ZFHX3: variants seen among roughly 807,000 people sequenced by gnomAD.
The protein encoded by ZFHX3 is zinc finger homeobox protein 3.
In ZFHX3, 42 loss-of-function variants were observed where a neutral mutation model predicts 279.1. The ratio of observed to expected loss-of-function variants is 0.15; its 90% CI spans 0.12 to 0.19. ZFHX3 has a LOEUF of 0.19. Among genes scored for constraint, ZFHX3 ranks in the 10% least tolerant of loss-of-function variants. The pLI is 1.00. For missense variants in ZFHX3, 4,981 were observed against 4,754.0 expected (o/e 1.05, Z -1.40); for synonymous variants, 2,293 against 1,957.8 (o/e 1.17, Z -4.52).
At chr16:73,527,295 G>C (rs1346397999) in intron 2 of ZFHX3, among the ~76,000 whole-genome samples, 1 of 152,200 alleles carries the variant, frequency 6.6e-6, no homozygotes, top group Non-Finnish European at 1.5e-5. Flanking sequence ...TTCCCAGCAA[G>C]AGGCCCCATT....
chr16:72,971,462 A>G (rs1048136172), intron 1 of ZFHX3, among the ~76,000 whole-genome samples: 2 of 152,210 alleles, frequency 1.3e-5, no homozygotes, highest in Non-Finnish European at 2.9e-5. Context: ...ACTGAGGCTT[A>G]GAGAGTTAAG....
At chr16:73,812,104 G>A (rs1960445397) in intron 1 of ZFHX3, among the ~76,000 whole-genome samples, 1 of 152,114 alleles carries the variant, frequency 6.6e-6, no homozygotes. Flanking sequence ...TGAGGCTTAT[G>A]GTGGTCTTTA....
intron 2 of ZFHX3, among the ~76,000 whole-genome samples, chr16:73,676,040 G>C (rs8051350): frequency 0.92 from 139,166 of 152,094 alleles, 63,745 homozygotes; most frequent in East Asian, 0.98. Context: ...TTATCTAAAG[G>C]CATACTCAAA....
chr16:73,549,213 A>T (rs1237875544), intron 2 of ZFHX3, among the ~76,000 whole-genome samples: 1 of 152,162 alleles, frequency 6.6e-6, no homozygotes, highest in Non-Finnish European at 1.5e-5. Context: ...AAATGATTTT[A>T]AAATTATTTT....
chr16:73,271,555 G>A (rs1451328097), intron 4 of ZFHX3, among the ~76,000 whole-genome samples: 1 of 152,198 alleles, frequency 6.6e-6, no homozygotes, highest in African/African-American at 2.4e-5. Context: ...GACCAGCTTT[G>A]TGCCCCTGGA....
chr16:72,953,199 A>G (rs1961079562), intron 2 of ZFHX3, among the ~76,000 whole-genome samples: 1 of 152,120 alleles, frequency 6.6e-6, no homozygotes, highest in Non-Finnish European at 1.5e-5. Flanking sequence ...AGGCTTAGGA[A>G]GCTTTCGGCT....
chr16:73,117,235 C>T (rs886278051), intron 7 of ZFHX3, among the ~76,000 whole-genome samples: 12 of 152,072 alleles, frequency 7.9e-5, no homozygotes, highest in Non-Finnish European at 1.5e-4. Context: ...TTCCTTCCTT[C>T]CTCTTTCAAC....
intron 2 of ZFHX3, among the ~76,000 whole-genome samples, chr16:73,483,106 C>T (rs191179365): frequency 4.6e-5 from 7 of 152,280 alleles, no homozygotes; most frequent in Admixed American, 2.0e-4. Flanking sequence ...GTGAAACATC[C>T]CCTCCTCTGA....
At chr16:73,708,773 T>G (rs2053329062) in intron 1 of ZFHX3, among the ~76,000 whole-genome samples, 1 of 152,130 alleles carries the variant, frequency 6.6e-6, no homozygotes, top group South Asian at 2.1e-4. Flanking sequence ...ATCTAGAAGC[T>G]TATTTATCCT....
At chr16:73,241,645 C>A (rs1158382236) in intron 5 of ZFHX3, among the ~76,000 whole-genome samples, 2 of 152,046 alleles carry the variant, frequency 1.3e-5, no homozygotes, top group Admixed American at 6.5e-5. Context: ...ACAAAATAAG[C>A]TGGACATGGT....
At chr16:73,087,050 A>C (rs1295803502) in intron 8 of ZFHX3, among the ~76,000 whole-genome samples, 2 of 152,228 alleles carry the variant, frequency 1.3e-5, no homozygotes, top group Non-Finnish European at 2.9e-5. Flanking sequence ...CCCATTGTTC[A>C]CATGTATCAA....
chr16:73,597,173 T>C (rs2052059512), intron 2 of ZFHX3, among the ~76,000 whole-genome samples: 2 of 152,188 alleles, frequency 1.3e-5, no homozygotes, highest in Non-Finnish European at 2.9e-5. Flanking sequence ...GTTATCTCTG[T>C]GCATCTCAGT....
chr16:73,567,368 G>C (rs148968878), intron 2 of ZFHX3, among the ~76,000 whole-genome samples: 347 of 152,278 alleles, frequency 2.3e-3, no homozygotes, highest in Non-Finnish European at 3.0e-3. Flanking sequence ...TTCTTCCTTT[G>C]AACTAATCCT....
chr16:73,206,639 AC>A (rs1438894828), intron 5 of ZFHX3, among the ~76,000 whole-genome samples: 4 of 152,176 alleles, frequency 2.6e-5, no homozygotes, highest in Non-Finnish European at 5.9e-5. Flanking sequence ...AAATACATTT[AC>A]AAAAATTCTC....
At chr16:73,370,702 T>C (rs1481875559) in intron 3 of ZFHX3, among the ~76,000 whole-genome samples, 2 of 152,202 alleles carry the variant, frequency 1.3e-5, no homozygotes, top group South Asian at 4.1e-4. Context: ...CACGGTGCCA[T>C]GCACAGCTCA....
intron 3 of ZFHX3, among the ~76,000 whole-genome samples, chr16:73,448,684 A>AAG (rs1567487516): frequency 9.4e-4 from 63 of 66,894 alleles, no homozygotes; most frequent in South Asian, 2.5e-3. Flanking sequence ...ATATTTATAT[A>AAG]CGTGTGTGTG....
chr16:73,536,346 G>A, intron 2 of ZFHX3, among the ~76,000 whole-genome samples: 1 of 152,006 alleles, frequency 6.6e-6, no homozygotes, highest in South Asian at 2.1e-4. Context: ...AATAAAACAG[G>A]TTCTTGGTAG....
intron 2 of ZFHX3, among the ~76,000 whole-genome samples, chr16:73,463,817 G>C (rs1442485610): frequency 6.6e-6 from 1 of 152,188 alleles, no homozygotes; most frequent in Non-Finnish European, 1.5e-5. Context: ...GTTCGTTACA[G>C]CAAGAGCAAG....
intron 2 of ZFHX3, among the ~76,000 whole-genome samples, chr16:73,603,880 G>C (rs1434591491): frequency 1.3e-5 from 2 of 148,220 alleles, no homozygotes; most frequent in Middle Eastern, 3.5e-3. Flanking sequence ...CCAGGTTCAA[G>C]TGATTCTCCT....
Sources: allele counts gnomAD v4.1 joint callset (sites outside exome capture counted in the v4.1 genomes callset), GRCh38; gene constraint gnomAD v4.1.1; transcripts MANE v1.5; gene names NCBI Gene and HGNC (gene_info 2026-07-23, HGNC 2026-07-21).